The following CNTN5 variants were observed in gnomAD, a reference collection of about 807,000 sequenced individuals.
CNTN5 encodes the protein contactin-5.
CNTN5 carries 77 observed loss-of-function variants against 129.1 expected under a neutral mutation model. The observed-to-expected ratio is 0.60, with a 90% CI of 0.50 to 0.72. CNTN5 has a LOEUF of 0.72. Among genes scored for constraint, CNTN5 ranks in the 30% least tolerant of loss-of-function variants. The pLI is 0.00. For synonymous variants in CNTN5, 509 were observed against 465.6 expected, an observed-to-expected ratio of 1.09 and a Z score of -1.20; for missense variants, 1,478 against 1,328.8, an observed-to-expected ratio of 1.11 and a Z score of -1.75.
intron 9 of CNTN5, among the ~76,000 whole-genome samples, chr11:100,028,340 C>A (rs1403040648): frequency 1.3e-5 from 2 of 152,128 alleles, no homozygotes; most frequent in Non-Finnish European, 2.9e-5. Context: ...TTATCTGCCA[C>A]CTCTATGACA....
intron 13 of CNTN5, among the ~76,000 whole-genome samples, chr11:100,187,835 C>A (rs1206290542): frequency 6.6e-6 from 1 of 152,006 alleles, no homozygotes; most frequent in Non-Finnish European, 1.5e-5. Flanking sequence ...GTATAAGAAT[C>A]CTAGAAGAAA....
intron 1 of CNTN5, among the ~76,000 whole-genome samples, chr11:99,297,187 G>T (rs533028323): frequency 2.0e-4 from 30 of 152,148 alleles, no homozygotes; most frequent in Non-Finnish European, 3.2e-4. Flanking sequence ...CTGCCACATG[G>T]TTACAAGGTC....
At chr11:99,735,826 T>C (rs1943687697) in intron 3 of CNTN5, among the ~76,000 whole-genome samples, 1 of 152,176 alleles carries the variant, frequency 6.6e-6, no homozygotes, top group South Asian at 2.1e-4. Flanking sequence ...TGAGTGGATT[T>C]CAGGTATACA....
intron 7 of CNTN5, among the ~76,000 whole-genome samples, chr11:99,930,853 G>A (rs185781046): frequency 3.6e-4 from 54 of 151,214 alleles, no homozygotes; most frequent in Non-Finnish European, 6.2e-4. Flanking sequence ...ATAATGCAGT[G>A]CTTAAGTGTC....
chr11:99,971,889 GC>G (rs1452880862), intron 8 of CNTN5, among the ~76,000 whole-genome samples: 1 of 150,688 alleles, frequency 6.6e-6, no homozygotes, highest in Non-Finnish European at 1.5e-5. Flanking sequence ...TATCTAGCAG[GC>G]CAGCACTCAA....
intron 3 of CNTN5, among the ~76,000 whole-genome samples, chr11:99,698,009 A>G (rs916244806): frequency 6.6e-6 from 1 of 151,162 alleles, no homozygotes; most frequent in East Asian, 1.9e-4. Flanking sequence ...CGTTTCGACG[A>G]CTGTTTTACT....
intron 18 of CNTN5, among the ~76,000 whole-genome samples, chr11:100,286,108 C>G (rs1046529048): frequency 6.6e-6 from 1 of 152,216 alleles, no homozygotes; most frequent in African/African-American, 2.4e-5. Context: ...GGGTCCTACG[C>G]CCACGGAGTC....
intron 2 of CNTN5, among the ~76,000 whole-genome samples, chr11:99,427,752 C>A (rs1168607919): frequency 1.1e-5 from 1 of 89,076 alleles, no homozygotes. Flanking sequence ...GGTGACACAG[C>A]AAGACTCAGT....
At chr11:99,344,455 T>A (rs928630371) in intron 2 of CNTN5, among the ~76,000 whole-genome samples, 9 of 152,172 alleles carry the variant, frequency 5.9e-5, no homozygotes, top group African/African-American at 1.9e-4. Context: ...TCTGACAGGG[T>A]CTTCATACTA....
chr11:100,024,700 G>C (rs1341487516), intron 9 of CNTN5, among the ~76,000 whole-genome samples: 3 of 152,212 alleles, frequency 2.0e-5, no homozygotes, highest in Non-Finnish European at 4.4e-5. Context: ...CTTTAGCAAA[G>C]AGACTAGTGG....
chr11:100,285,654 A>C (rs1950765406), intron 18 of CNTN5, among the ~76,000 whole-genome samples: 1 of 152,122 alleles, frequency 6.6e-6, no homozygotes, highest in Admixed American at 6.5e-5. Flanking sequence ...CTTTCTAGTT[A>C]TTTTTTTCCT....
chr11:99,850,631 C>T (rs182019453), intron 6 of CNTN5, among the ~76,000 whole-genome samples: 1 of 151,644 alleles, frequency 6.6e-6, no homozygotes, highest in African/African-American at 2.4e-5. Flanking sequence ...TTTTTACTTG[C>T]TGTGTAAGAT....
intron 2 of CNTN5, among the ~76,000 whole-genome samples, chr11:99,361,462 A>G (rs1199391259): frequency 6.6e-6 from 1 of 152,166 alleles, no homozygotes; most frequent in African/African-American, 2.4e-5. Context: ...GGGATTTGCA[A>G]ATCTCATTTT....
At chr11:99,792,661 A>G (rs1945794246) in intron 3 of CNTN5, among the ~76,000 whole-genome samples, 2 of 151,598 alleles carry the variant, frequency 1.3e-5, no homozygotes, top group South Asian at 2.1e-4. Flanking sequence ...AGTCCCTACA[A>G]CTCAACCTTT....
chr11:99,030,857 T>G (rs2135088166), intron 1 of CNTN5, among the ~76,000 whole-genome samples: 1 of 150,118 alleles, frequency 6.7e-6, no homozygotes, highest in South Asian at 2.1e-4. Flanking sequence ...CTCGGTTCAC[T>G]GCAACCTCCG....
chr11:99,989,635 G>A (rs973838918), intron 8 of CNTN5, among the ~76,000 whole-genome samples: 4 of 151,962 alleles, frequency 2.6e-5, no homozygotes, highest in African/African-American at 9.7e-5. Context: ...TGTAATTACA[G>A]AGAATTTTCT....
intron 21 of CNTN5, among the ~76,000 whole-genome samples, chr11:100,327,562 T>G (rs1232022937): frequency 6.6e-6 from 1 of 152,220 alleles, no homozygotes; most frequent in Non-Finnish European, 1.5e-5. Context: ...CATAAACCTC[T>G]GATCAAAACC....
chr11:99,986,051 T>G (rs888466662), intron 8 of CNTN5, among the ~76,000 whole-genome samples: 1 of 152,198 alleles, frequency 6.6e-6, no homozygotes, highest in Non-Finnish European at 1.5e-5. Flanking sequence ...AATAATTATG[T>G]TTACTACTTC....
chr11:100,085,632 C>A (rs1056290664), intron 13 of CNTN5, among the ~76,000 whole-genome samples: 1 of 151,914 alleles, frequency 6.6e-6, no homozygotes, highest in Non-Finnish European at 1.5e-5. Context: ...ACTGACTGAG[C>A]ATTGGGTATT....
Sources: allele counts gnomAD v4.1 joint callset (sites outside exome capture counted in the v4.1 genomes callset), GRCh38; gene constraint gnomAD v4.1.1; transcripts MANE v1.5; gene names NCBI Gene and HGNC (gene_info 2026-07-23, HGNC 2026-07-21).